SLC1A4: variants seen among roughly 807,000 people sequenced by gnomAD.
The protein encoded by SLC1A4 is solute carrier family 1 member 4.
A neutral mutation model predicts 37.7 loss-of-function variants in SLC1A4; 19 were observed. The observed-to-expected ratio is 0.50, with a 90% CI of 0.35 to 0.74. The LOEUF is 0.74. SLC1A4 is among the 30% of genes least tolerant of loss of function. The pLI, the probability that SLC1A4 is intolerant of heterozygous loss-of-function variation, is 0.01. For synonymous variants in SLC1A4, 299 were observed against 309.8 expected (o/e 0.97, Z 0.37); for missense variants, 570 against 712.9 (o/e 0.80, Z 2.28).
Position 65,021,317 on chromosome 2 carries a change from G to A in SLC1A4, c.*171G>A. The A allele has an allele frequency of 1.7e-6, 1 of 605,510 alleles. No homozygotes were observed. The highest frequency in any genetic ancestry group is 2.9e-6 in the Non-Finnish European group (1 of 341,918). The allele number at this position is 605,510 out of a possible 1,614,324, so 37.5% of individuals were successfully genotyped here. On this transcript the variant is annotated 3_prime_UTR_variant, in exon 8 of 8. Coordinates refer to ENST00000234256, the MANE Select transcript of SLC1A4 (RefSeq NM_003038.5). ...CTCGGCACTGGCATTGGGCTCCCCA[G>A]CCGGAACTGGTTACCAAGGACAAGG...
intron 1 of SLC1A4, among the ~76,000 whole-genome samples, chr2:64,992,622 C>T (rs986429053): frequency 2.6e-5 from 4 of 152,128 alleles, no homozygotes; most frequent in Admixed American, 2.0e-4. Flanking sequence ...CATGGAGTGG[C>T]TTATAAAGAA....
intron 4 of SLC1A4, among the ~76,000 whole-genome samples, chr2:65,013,333 CT>C (rs1673997634): frequency 6.6e-6 from 1 of 152,220 alleles, no homozygotes; most frequent in Admixed American, 6.5e-5. Context: ...AGCGATTCTC[CT>C]GCCTCAGCCT....
At chr2:65,015,216 G>A (rs1674077592) in intron 4 of SLC1A4, among the ~76,000 whole-genome samples, 1 of 152,154 alleles carries the variant, frequency 6.6e-6, no homozygotes, top group Non-Finnish European at 1.5e-5. Flanking sequence ...TCAAAGTTTG[G>A]GATGATGGAA....
chr2:64,998,974 G>A (rs1456823631), intron 1 of SLC1A4, among the ~76,000 whole-genome samples: 1 of 152,212 alleles, frequency 6.6e-6, no homozygotes. Flanking sequence ...ACTGAGGATT[G>A]TTGTGTGGTG....
At position 65,018,750 on chromosome 2, in the gene SLC1A4, C is replaced by T; in HGVS notation, c.1364+71C>T. ...TCCCTAGGAGCTTAGCACTGCTGGG[C>T]CTGGGCCATGCAGAGAAACTTCAGA... On this transcript the variant is annotated intron_variant, in intron 7 of 7. Coordinates refer to ENST00000234256, the MANE Select transcript of SLC1A4 (RefSeq NM_003038.5). This position sits in a 1 kb window ranked among gnomAD's most constrained non-coding sequence, Gnocchi z 4.3. 1 of 1,561,042 alleles carries T rather than the reference C, an allele frequency of 6.4e-7. No homozygotes were observed. Among genetic ancestry groups the T allele is most frequent in the Non-Finnish European group, 8.7e-7 (1 of 1,144,584 alleles).
chr2:65,011,273 G>T (rs6546120), intron 4 of SLC1A4: 20,983 of 152,240 alleles, frequency 0.14, 1,577 homozygotes, highest in Non-Finnish European at 0.17. Flanking sequence ...TTTTATGTAG[G>T]CTTTTTTTCT....
chr2:64,992,661 C>T (rs190295423), intron 1 of SLC1A4, among the ~76,000 whole-genome samples: 1 of 152,208 alleles, frequency 6.6e-6, no homozygotes, highest in East Asian at 1.9e-4. Context: ...GGTCTCCTAC[C>T]CCACAGTGCA....
In SLC1A4 at chr2:65,023,169, A is replaced by T. The variant is rs1048563591; in HGVS notation, c.*2023A>T. On this transcript the variant is annotated 3_prime_UTR_variant, in exon 8 of 8. Transcript: ENST00000234256. ...CCCCGCTGGGTAGAGCATGTTGCTGATACTCTTCTGTTTTCAAGGGAAACA... is the reference window on the plus strand; with the variant it reads ...CCCCGCTGGGTAGAGCATGTTGCTGTTACTCTTCTGTTTTCAAGGGAAACA... 1 of 152,204 alleles carries T rather than the reference A, an allele frequency of 6.6e-6. No individual in the cohort carries two copies. Among genetic ancestry groups the T allele is most frequent in the Non-Finnish European group, 1.5e-5 (1 of 68,030 alleles). The allele number at this position is 152,204 out of a possible 1,614,324, so 9.4% of individuals were successfully genotyped here. A position where few individuals can be genotyped will look rare whatever the true frequency, so the allele number is the denominator to read the frequency against.
intron 4 of SLC1A4, among the ~76,000 whole-genome samples, chr2:65,013,520 C>G (rs1674006852): frequency 6.6e-6 from 1 of 152,212 alleles, no homozygotes; most frequent in African/African-American, 2.4e-5. Context: ...TAGCGCCCGG[C>G]CGGACATTTG....
At chr2:65,011,612 T>G (rs1673922579) in intron 4 of SLC1A4, 1 of 152,070 alleles carries the variant, frequency 6.6e-6, no homozygotes, top group Non-Finnish European at 1.5e-5. Flanking sequence ...TTGTGTGATA[T>G]CAATGAAAGC....
At chr2:64,996,458 A>G (rs1176376703) in intron 1 of SLC1A4, among the ~76,000 whole-genome samples, 1 of 152,224 alleles carries the variant, frequency 6.6e-6, no homozygotes, top group Non-Finnish European at 1.5e-5. Context: ...GCTTAGAAGC[A>G]TCCTAACACC....
chr2:64,992,384 G>A (rs192186202), intron 1 of SLC1A4, among the ~76,000 whole-genome samples: 24 of 152,294 alleles, frequency 1.6e-4, no homozygotes, highest in African/African-American at 4.6e-4. Context: ...GTGACCCAGC[G>A]TCATAGCTTA....
At position 64,989,724 on chromosome 2, in the gene SLC1A4, C is replaced by G. The variant is rs1266487211; in HGVS notation, c.81C>G (p.Thr27=). ...CGGCCGGGCCCGGAGCTCCGGGGAC[C>G]GCGGCGGGACGCGCACGGCGTTGCG... ...GPAAGPGAPG[T]AAGRARRCAG... The change falls in exon 1 of 8, where the codon ACC becomes ACG. Residue 27 remains threonine (T), a synonymous_variant. Coordinates refer to ENST00000234256, the MANE Select transcript of SLC1A4 (RefSeq NM_003038.5). The G allele has an allele frequency of 6.1e-6, 9 of 1,477,706 alleles. No homozygotes were observed. The highest frequency in any genetic ancestry group is 2.4e-4 in the Middle Eastern group (1 of 4,138). The allele number at this position is 1,477,706 out of a possible 1,614,324, so 91.5% of individuals were successfully genotyped here.
intron 3 of SLC1A4, among the ~76,000 whole-genome samples, chr2:65,006,139 C>T (rs1272659591): frequency 5.3e-5 from 8 of 152,214 alleles, no homozygotes; most frequent in Non-Finnish European, 1.2e-4. Flanking sequence ...TGAGCATCCA[C>T]CTCAGCTGAC....
chr2:65,020,880 G>T, intron 7 of SLC1A4, 32 bp from the exon 8 acceptor site: 1 of 1,580,498 alleles, frequency 6.3e-7, no homozygotes, highest in African/African-American at 1.3e-5. Flanking sequence ...CCCAGCAGTA[G>T]ATATAATAGC....
chr2:64,997,109 T>G (rs181943732), intron 1 of SLC1A4, among the ~76,000 whole-genome samples: 1 of 152,198 alleles, frequency 6.6e-6, no homozygotes, highest in East Asian at 1.9e-4. Context: ...GCTCCTGCTC[T>G]TGGTCTGTGG....
At chr2:65,004,457 T>TA (rs1426928485) in intron 3 of SLC1A4, among the ~76,000 whole-genome samples, 12 of 151,370 alleles carry the variant, frequency 7.9e-5, no homozygotes, top group Non-Finnish European at 1.2e-4. Context: ...TTTATTTATT[T>TA]TTTATGTTTT....
chr2:65,014,677 T>G (rs1674055420), intron 4 of SLC1A4, among the ~76,000 whole-genome samples: 1 of 152,250 alleles, frequency 6.6e-6, no homozygotes, highest in African/African-American at 2.4e-5. Context: ...ATAACCACTT[T>G]GGAGAACAAA....
intron 3 of SLC1A4, 135 bp downstream of exon 3, chr2:65,004,150 C>A: frequency 2.9e-6 from 2 of 698,022 alleles, no homozygotes; most frequent in Non-Finnish European, 2.5e-6. Flanking sequence ...GTTAGGTTTG[C>A]TCCTTTGGTT....
Sources: allele counts gnomAD v4.1 joint callset (sites outside exome capture counted in the v4.1 genomes callset), GRCh38; gene constraint gnomAD v4.1.1; non-coding constraint Gnocchi (gnomAD v3.1); transcripts MANE v1.5; gene names NCBI Gene and HGNC (gene_info 2026-07-23, HGNC 2026-07-21).